The following HNF1B variants were observed in gnomAD, a reference collection of about 807,000 sequenced individuals.
HNF1B encodes the protein HNF1 homeobox B, also known as hepatocyte nuclear factor 1-beta.
HNF1B carries 8 observed loss-of-function variants against 61.7 expected under a neutral mutation model. That is an observed-to-expected ratio of 0.13 (90% CI 0.08 to 0.23). The LOEUF is 0.23. Ranked by LOEUF, HNF1B falls within the 10% of genes least tolerant of loss-of-function variation. The pLI, the probability that HNF1B is intolerant of heterozygous loss-of-function variation, is 1.00. For synonymous variants in HNF1B, 314 were observed against 287.7 expected (o/e 1.09, Z -0.93); for missense variants, 562 against 714.5 (o/e 0.79, Z 2.43).
intron 1 of HNF1B, among the ~76,000 whole-genome samples, chr17:37,742,438 G>T (rs1354041442): frequency 6.6e-6 from 1 of 152,206 alleles, no homozygotes; most frequent in Non-Finnish European, 1.5e-5. Context: ...TCGTCTTAAG[G>T]GAACACGGTG....
At chr17:37,688,799 T>A (rs1455698780) in intron 8 of HNF1B, among the ~76,000 whole-genome samples, 1 of 152,140 alleles carries the variant, frequency 6.6e-6, no homozygotes, top group African/African-American at 2.4e-5. Flanking sequence ...CAATTGTTAT[T>A]ATTAACATGG....
rs1038322461 is a variant in HNF1B, at chr17:37,698,108, A to G, written c.1653+968T>C. 3.9e-5 allele frequency among the ~76,000 whole-genome samples: 6 copies of G among 152,220 alleles called. No homozygotes were observed. In the South Asian group the frequency reaches 8.3e-4, roughly 21 times the overall value. ...CCTCCTGGGAAGCCCATGGCAGTGG[A>G]TGAAGTGTGATTTGCAGGGCTCAGA... On this transcript the variant is annotated intron_variant, in intron 8 of 8. Transcript: ENST00000617811.
At chr17:37,706,867 G>A (rs2032767996) in intron 5 of HNF1B, among the ~76,000 whole-genome samples, 1 of 152,128 alleles carries the variant, frequency 6.6e-6, no homozygotes, top group Admixed American at 6.6e-5. Flanking sequence ...GATTTGTAAA[G>A]TGCTTTCACT....
chr17:37,719,508 G>A (rs1408883294), intron 4 of HNF1B, among the ~76,000 whole-genome samples: 1 of 152,220 alleles, frequency 6.6e-6, no homozygotes, highest in Admixed American at 6.5e-5. Flanking sequence ...AGGGTTAATG[G>A]TGGACATCGT....
At chr17:37,694,423 T>C (rs1213102125) in intron 8 of HNF1B, among the ~76,000 whole-genome samples, 21 of 20,106 alleles carry the variant, frequency 1.0e-3, no homozygotes, top group East Asian at 2.7e-3. Flanking sequence ...CAAAACTCCA[T>C]CCCCCCGCCC....
chr17:37,733,416 T>C (rs1405189778), intron 3 of HNF1B, 141 bp downstream of exon 3: 1 of 944,310 alleles, frequency 1.1e-6, no homozygotes, highest in East Asian at 2.4e-5. Context: ...GATATTGGGG[T>C]TCTGTGGAAC....
chr17:37,733,877 GACA>G (rs2033761423), intron 2 of HNF1B, 56 bp from the exon 3 acceptor site: 1 of 1,510,538 alleles, frequency 6.6e-7, no homozygotes, highest in African/African-American at 1.4e-5. Context: ...TCAGCAGACA[GACA>G]GACAGACAGA....
At chr17:37,732,791 A>G (rs2033724851) in intron 3 of HNF1B, among the ~76,000 whole-genome samples, 1 of 152,244 alleles carries the variant, frequency 6.6e-6, no homozygotes. Flanking sequence ...CAACATAGCA[A>G]GACCACATTT....
intron 4 of HNF1B, among the ~76,000 whole-genome samples, chr17:37,720,331 G>A (rs898618111): frequency 6.6e-6 from 1 of 152,102 alleles, no homozygotes; most frequent in Non-Finnish European, 1.5e-5. Flanking sequence ...TAAATTAAAT[G>A]AGTAGACTAG....
chr17:37,703,918 GAAAAAGGCAGAAACAAAACA>G (rs1357294738), intron 6 of HNF1B, among the ~76,000 whole-genome samples: 1 of 152,170 alleles, frequency 6.6e-6, no homozygotes, highest in African/African-American at 2.4e-5. Flanking sequence ...AGGGAAGAAA[GAAAAAGGCAGAAACAAAACA>G]AAGAGGTGGC....
intron 2 of HNF1B, 147 bp from the exon 3 acceptor site, chr17:37,733,968 G>A: frequency 1.0e-6 from 1 of 958,896 alleles, no homozygotes; most frequent in South Asian, 1.5e-5. Context: ...TGTGGAGCTG[G>A]AGATGGGGAG....
At chr17:37,723,277 G>A (rs1027292677) in intron 4 of HNF1B, among the ~76,000 whole-genome samples, 1 of 151,968 alleles carries the variant, frequency 6.6e-6, no homozygotes, top group African/African-American at 2.4e-5. Flanking sequence ...AACCCGGGAG[G>A]CGGAGCTTGC....
intron 7 of HNF1B, among the ~76,000 whole-genome samples, chr17:37,700,080 G>A (rs1451663912): frequency 6.6e-6 from 1 of 151,414 alleles, no homozygotes; most frequent in African/African-American, 2.4e-5. Flanking sequence ...GACTTAGAGT[G>A]GCTAAGTAAC....
At chr17:37,742,056 C>T (rs575938229) in intron 1 of HNF1B, among the ~76,000 whole-genome samples, 1 of 152,338 alleles carries the variant, frequency 6.6e-6, no homozygotes, top group African/African-American at 2.4e-5. Flanking sequence ...AGAAAGGCAC[C>T]GGTCCCGAAG....
chr17:37,710,782 CCT>C (rs1297305177), intron 4 of HNF1B, 119 bp from the exon 5 acceptor site: 2 of 907,526 alleles, frequency 2.2e-6, no homozygotes, highest in South Asian at 1.4e-5. Context: ...TTTCTCCTCC[CCT>C]GTCCACCCAC....
chr17:37,744,679 T>C lies in HNF1B; in HGVS notation c.206A>G (p.His69Arg). 1 of 1,613,486 alleles carries C rather than the reference T, an allele frequency of 6.2e-7. No individual in the cohort carries two copies. The highest frequency in any genetic ancestry group is 8.5e-7 in the Non-Finnish European group (1 of 1,180,012). The change falls in exon 1 of 9, where the codon CAC (histidine) becomes CGC (arginine). Residue 69 changes from histidine (H) to arginine (R), a missense_variant. Transcript: ENST00000617811. The part of the protein sequence containing the change: ...KPVFHTLTNG[H>R]AKGRLSGDEG... ...GTCGCCGGACAAGCGGCCCTTGGCG[T>C]GGCCGTTGGTGAGAGTATGGAAGAC...
chr17:37,703,188 T>C (rs2032627891), intron 6 of HNF1B, among the ~76,000 whole-genome samples: 1 of 152,198 alleles, frequency 6.6e-6, no homozygotes, highest in African/African-American at 2.4e-5. Flanking sequence ...GTCTCAGCAG[T>C]CTTCTGGTGA....
At chr17:37,710,889 C>CGTTT (rs1394907672) in intron 4 of HNF1B, among the ~76,000 whole-genome samples, 1 of 152,150 alleles carries the variant, frequency 6.6e-6, no homozygotes, top group African/African-American at 2.4e-5. Context: ...ATTTTTATCT[C>CGTTT]GTTTGTTTTG....
chr17:37,742,087 C>G (rs1037644949), intron 1 of HNF1B, among the ~76,000 whole-genome samples: 1 of 152,216 alleles, frequency 6.6e-6, no homozygotes, highest in Non-Finnish European at 1.5e-5. Context: ...GCCATTGTGT[C>G]CCAAGCGCAG....
Sources: allele counts gnomAD v4.1 joint callset (sites outside exome capture counted in the v4.1 genomes callset), GRCh38; gene constraint gnomAD v4.1.1; transcripts MANE v1.5; gene names NCBI Gene and HGNC (gene_info 2026-07-23, HGNC 2026-07-21).